The following ZNF616 variants were observed in gnomAD, a reference collection of about 807,000 sequenced individuals.
The protein encoded by ZNF616 is zinc finger protein 616.
In ZNF616, 5 loss-of-function variants were observed where a neutral mutation model predicts 7.6. That is an observed-to-expected ratio of 0.66 (90% CI 0.34 to 1.38). The LOEUF is 1.38. Among genes scored for constraint, ZNF616 ranks in the 40% most tolerant of loss-of-function variants. The pLI, the probability that ZNF616 is intolerant of heterozygous loss-of-function variation, is 0.04. For synonymous variants in ZNF616, 319 were observed against 317.2 expected, an observed-to-expected ratio of 1.01 and a Z score of -0.06; for missense variants, 913 against 948.3, an observed-to-expected ratio of 0.96 and a Z score of 0.49.
At chr19:52,128,299 T>C (rs1289612296) in intron 2 of ZNF616, among the ~76,000 whole-genome samples, 1 of 152,202 alleles carries the variant, frequency 6.6e-6, no homozygotes, top group Non-Finnish European at 1.5e-5. Context: ...TGAGGAGGTT[T>C]CATTATTTTG....
chr19:52,133,302 G>A (rs565394923), intron 1 of ZNF616, among the ~76,000 whole-genome samples: 46 of 152,290 alleles, frequency 3.0e-4, no homozygotes, highest in African/African-American at 1.1e-3. Context: ...GTGTGTGCAT[G>A]CATTTAATGG....
rs1263440599 is a variant in ZNF616 at position 52,139,688 on chromosome 19, TGA to T, written c.-77+42_-77+43del. 1 of 152,280 alleles carries T rather than the reference TGA, an allele frequency of 6.6e-6. No individual in the cohort carries two copies. The highest frequency in any genetic ancestry group is 1.5e-5 in the Non-Finnish European group (1 of 68,142). The allele number at this position is 152,280 out of a possible 1,614,324, so 9.4% of individuals were successfully genotyped here. A position where few individuals can be genotyped will look rare whatever the true frequency, so the allele number is the denominator to read the frequency against. On this transcript the variant is annotated intron_variant, in intron 1 of 3. Transcript: ENST00000600228. This position sits in a 1 kb window ranked among gnomAD's most constrained non-coding sequence, Gnocchi z 4.1. ...GAAAGGCAGGGGGCAAGGAACAGCC[TGA>T]GAGAGATTTTAAACCGACAGGGAAG... is the stretch of plus-strand genomic sequence containing the variant.
intron 1 of ZNF616, among the ~76,000 whole-genome samples, chr19:52,131,066 G>A (rs927356414): frequency 3.9e-5 from 6 of 151,986 alleles, no homozygotes; most frequent in Admixed American, 3.9e-4. Flanking sequence ...TCAGGAATTC[G>A]AGACCAGCCT....
chr19:52,124,141 G>A, intron 2 of ZNF616, 92 bp from the exon 3 acceptor site: 2 of 1,483,738 alleles, frequency 1.3e-6, no homozygotes, highest in South Asian at 2.8e-5. Flanking sequence ...ACTTTGAAGT[G>A]TGTGTTTTGA....
chr19:52,130,926 C>T (rs950094625), intron 1 of ZNF616, among the ~76,000 whole-genome samples: 1 of 152,162 alleles, frequency 6.6e-6, no homozygotes, highest in African/African-American at 2.4e-5. Context: ...GCTCTGCCCT[C>T]GGAAATGGGG....
intron 3 of ZNF616, among the ~76,000 whole-genome samples, chr19:52,121,246 G>T (rs112510892): frequency 6.6e-6 from 1 of 152,104 alleles, no homozygotes; most frequent in Non-Finnish European, 1.5e-5. Flanking sequence ...GTAGCGACGC[G>T]GTTTCGCCAT....
chr19:52,115,672 A>T lies in ZNF616; in HGVS notation c.1492T>A (p.Cys498Ser), dbSNP rs770763200. ...TGEKPYKCNECGKVFSQHSRL... is the reference protein window; with the variant it reads ...TGEKPYKCNESGKVFSQHSRL... ...GAATGTTGACTGAAGACCTTGCCAC[A>T]TTCATTGCATTTGTAAGGTTTCTCT... The change falls in exon 4 of 4, where the codon TGT becomes AGT. Residue 498 changes from cysteine to serine, a missense_variant. Physicochemically the swap from Cys to Ser is moderately radical, Grantham distance 112 (BLOSUM62 -1). Coordinates refer to ENST00000600228, the MANE Select transcript of ZNF616 (RefSeq NM_178523.5). 1 of 1,614,056 alleles carries T rather than the reference A, an allele frequency of 6.2e-7. No individual in the cohort carries two copies. Among genetic ancestry groups the T allele is most frequent in the Non-Finnish European group, 8.5e-7 (1 of 1,180,004 alleles).
rs2089036494 is a variant in ZNF616 at position 52,139,048 on chromosome 19, C to T, written c.-77+684G>A. ...CCGTGCTACTTTCTCCATGCGTCCTCTTGCACTCTTGCTCTCTTTGCCAGT... is the reference window on the plus strand; with the variant it reads ...CCGTGCTACTTTCTCCATGCGTCCTTTTGCACTCTTGCTCTCTTTGCCAGT... On this transcript the variant is annotated intron_variant, in intron 1 of 3. Transcript: ENST00000600228. This position sits in a 1 kb window ranked among gnomAD's most constrained non-coding sequence, Gnocchi z 4.1. Among the ~76,000 whole-genome samples, 5 of 152,204 alleles carry T rather than the reference C, an allele frequency of 3.3e-5. No individual in the cohort carries two copies. The highest frequency in any genetic ancestry group is 5.9e-5 in the Non-Finnish European group (4 of 68,036).
At chr19:52,129,531 T>C (rs914848230) in intron 2 of ZNF616, among the ~76,000 whole-genome samples, 5 of 152,132 alleles carry the variant, frequency 3.3e-5, no homozygotes, top group Non-Finnish European at 7.3e-5. Context: ...TTAAAACAAC[T>C]GCTGGTAAGA....
At chr19:52,137,733 C>T (rs2089025160) in intron 1 of ZNF616, among the ~76,000 whole-genome samples, 1 of 151,976 alleles carries the variant, frequency 6.6e-6, no homozygotes, top group Non-Finnish European at 1.5e-5. Context: ...GACGCTTTAA[C>T]AGTTTGGAAA....
intron 2 of ZNF616, among the ~76,000 whole-genome samples, chr19:52,126,894 C>G (rs2088913393): frequency 6.6e-6 from 1 of 152,098 alleles, no homozygotes; most frequent in Non-Finnish European, 1.5e-5. Flanking sequence ...GTGAATATAT[C>G]TAACATTACT....
In ZNF616 at chr19:52,126,339, C is replaced by G. The variant is rs546710151; in HGVS notation, c.13-2290G>C. 2.4e-4 allele frequency among the ~76,000 whole-genome samples: 37 copies of G among 152,182 alleles called. No homozygotes were observed. The South Asian group carries it at 7.5e-3, about 31-fold the overall frequency. ...GAGCAGGAATTCGAGACCAGCCTGG[C>G]CAACATTATGAAACCCCATCTCTAC... On this transcript the variant is annotated intron_variant, in intron 2 of 3. Coordinates refer to ENST00000600228, the MANE Select transcript of ZNF616 (RefSeq NM_178523.5).
At chr19:52,130,812 G>T (rs895536627) in intron 1 of ZNF616, among the ~76,000 whole-genome samples, 1 of 152,250 alleles carries the variant, frequency 6.6e-6, no homozygotes, top group African/African-American at 2.4e-5. Context: ...CTGCAGCAGT[G>T]TGTAGCTAGG....
At chr19:52,125,145 ACTC>A (rs2088894999) in intron 2 of ZNF616, among the ~76,000 whole-genome samples, 1 of 152,086 alleles carries the variant, frequency 6.6e-6, no homozygotes, top group African/African-American at 2.4e-5. Context: ...AAATTCATGT[ACTC>A]CTCACATATA....
At chr19:52,126,288 GA>G (rs1210277128) in intron 2 of ZNF616, among the ~76,000 whole-genome samples, 12 of 152,204 alleles carry the variant, frequency 7.9e-5, no homozygotes, top group African/African-American at 2.9e-4. Context: ...AGGACTTTCA[GA>G]ACGCCAGGCA....
In ZNF616 at chr19:52,114,249, T is replaced by C. The variant is rs1476775090; in HGVS notation, c.*569A>G. The C allele has an allele frequency of 6.6e-6, 1 of 152,202 alleles. No homozygotes were observed. Among genetic ancestry groups the C allele is most frequent in the Non-Finnish European group, 1.5e-5 (1 of 68,082 alleles). The allele number at this position is 152,202 out of a possible 1,614,324, so 9.4% of individuals were successfully genotyped here. A position where few individuals can be genotyped will look rare whatever the true frequency, so the allele number is the denominator to read the frequency against. ...CCACACGTATTACACTTCTGTGATTTTTCTCCAGGATGTATACATCCTGGA... is the reference window on the plus strand; with the variant it reads ...CCACACGTATTACACTTCTGTGATTCTTCTCCAGGATGTATACATCCTGGA... On this transcript the variant is annotated 3_prime_UTR_variant, in exon 4 of 4. Transcript: ENST00000600228.
chr19:52,137,557 A>G (rs2089023125), intron 1 of ZNF616, among the ~76,000 whole-genome samples: 1 of 152,240 alleles, frequency 6.6e-6, no homozygotes, highest in Non-Finnish European at 1.5e-5. Context: ...TCTCACAAGT[A>G]GAATCTAAAA....
In ZNF616 at chr19:52,114,053, G is replaced by A. The variant is rs1299402226; in HGVS notation, c.*765C>T. The A allele has an allele frequency of 6.6e-6, 1 of 152,080 alleles. No homozygotes were observed. The highest frequency in any genetic ancestry group is 1.5e-5 in the Non-Finnish European group (1 of 68,026). 9.4% of individuals were successfully genotyped at this position (152,080 alleles called of 1,614,324 possible). A position where few individuals can be genotyped will look rare whatever the true frequency, so the allele number is the denominator to read the frequency against. ...GATGCCTAGTGAGTTCCAATGCCTG[G>A]GGAAAGCCTCTGACACATACATTTA... On this transcript the variant is annotated 3_prime_UTR_variant, in exon 4 of 4. Transcript: ENST00000600228.
rs76614606 is a variant in ZNF616 at position 52,134,497 on chromosome 19, C to T, written c.-76-3909G>A. Among the ~76,000 whole-genome samples, 428 of 152,290 alleles carry T rather than the reference C, an allele frequency of 2.8e-3. 3 individuals carry two copies. The highest frequency in any genetic ancestry group is 9.7e-3 in the African/African-American group (402 of 41,552). On this transcript the variant is annotated intron_variant, in intron 1 of 3. Coordinates refer to ENST00000600228, the MANE Select transcript of ZNF616 (RefSeq NM_178523.5). ...GGTCAGAAGTATAGGTGACAACCTA[C>T]TACTTTCGAAATGGTAGCTGAAGTG...
Sources: gnomAD v4.1 joint callset for allele counts (sites outside exome capture counted in the v4.1 genomes callset) on GRCh38, gnomAD v4.1.1 for gene constraint, Gnocchi (gnomAD v3.1) non-coding constraint, MANE v1.5 for transcripts, NCBI Gene and HGNC (gene_info 2026-07-23, HGNC 2026-07-21) for gene names.